The following ZSWIM9 variants were observed in gnomAD, a reference collection of about 807,000 sequenced individuals.
The protein encoded by ZSWIM9 is zinc finger SWIM-type containing 9, also known as uncharacterized protein ZSWIM9.
A neutral mutation model predicts 25.0 loss-of-function variants in ZSWIM9; 11 were observed. The observed-to-expected ratio is 0.44, with a 90% CI of 0.28 to 0.73. ZSWIM9 has a LOEUF of 0.73. ZSWIM9 is among the 30% of genes least tolerant of loss of function. The probability of loss-of-function intolerance (pLI) is 0.16; values close to 1 mark genes in which losing one functional copy is unlikely to be tolerated. For missense variants in ZSWIM9, 1,070 were observed against 1,296.5 expected, an observed-to-expected ratio of 0.83 and a Z score of 2.68; for synonymous variants, 562 against 582.1, an observed-to-expected ratio of 0.97 and a Z score of 0.50.
Position 48,196,738 on chromosome 19 carries a change from C to CA in ZSWIM9, c.2675dup (p.His892GlnfsTer53). 8.1e-7 allele frequency: 1 copy of CA among 1,233,352 alleles called. No individual in the cohort carries two copies. The highest frequency in any genetic ancestry group is 1.0e-6 in the Non-Finnish European group (1 of 988,824). The allele number at this position is 1,233,352 out of a possible 1,614,324, so 76.4% of individuals were successfully genotyped here. A position where few individuals can be genotyped will look rare whatever the true frequency, so the allele number is the denominator to read the frequency against. The stretch of plus-strand genomic sequence containing the variant: ...CGCCGCCCGCCGTCTGCCCTGCAGA[C>CA]ACCTCTTTGCAGCGCGCCTCCTCAC... On this transcript the variant is annotated frameshift_variant, in exon 4 of 4. Transcript: ENST00000614654. LOFTEE classifies it high-confidence loss of function.
intron 3 of ZSWIM9, among the ~76,000 whole-genome samples, chr19:48,189,834 T>C (rs143342711): frequency 0.011 from 1,668 of 152,272 alleles, 30 homozygotes; most frequent in African/African-American, 0.038. Context: ...AGACCTTTTA[T>C]GTATCGCTTT....
At position 48,194,859 on chromosome 19, in the gene ZSWIM9, G is replaced by T; in HGVS notation, c.795G>T (p.Pro265=). The T allele has an allele frequency of 7.3e-7, 1 of 1,361,188 alleles. No homozygotes were observed. Among genetic ancestry groups the T allele is most frequent in the South Asian group, 1.7e-5 (1 of 60,578 alleles). 84.3% of individuals were successfully genotyped at this position (1,361,188 alleles called of 1,614,324 possible). A position where few individuals can be genotyped will look rare whatever the true frequency, so the allele number is the denominator to read the frequency against. The stretch of plus-strand genomic sequence containing the variant: ...AGGCTGCCTGCTGCGTGGCGCGCCC[G>T]GGCACACCGAGCCTGCTGCGCTTCG... ...ARQAACCVAR[P]GTPSLLRFAL... is the part of the protein sequence containing the mutation. Residue 265 remains proline, a synonymous_variant, in exon 4 of 4, where the codon CCG becomes CCT. Coordinates refer to ENST00000614654, the MANE Select transcript of ZSWIM9 (RefSeq NM_199341.4). This position sits in a 1 kb window ranked among gnomAD's most constrained non-coding sequence, Gnocchi z 6.0.
rs184157862 is a variant in ZSWIM9 at position 48,191,351 on chromosome 19, C to T, written c.589-3302C>T. On this transcript the variant is annotated intron_variant, in intron 3 of 3. Transcript: ENST00000614654. ...TCCCAAGTAGCTGAGATTACAGGCG[C>T]GCACCACCACGCCCAGCTAATTTTT... Among the ~76,000 whole-genome samples the T allele has an allele frequency of 1.1e-4, 16 of 152,064 alleles. No individual in the cohort carries two copies. The East Asian group carries it at 1.4e-3, about 13-fold the overall frequency.
chr19:48,192,506 C>T (rs139945273), intron 3 of ZSWIM9, among the ~76,000 whole-genome samples: 12,776 of 58,408 alleles, frequency 0.22, 1,984 homozygotes, highest in Middle Eastern at 0.31. Flanking sequence ...TATACACACA[C>T]ACACACACAC....
rs1248646177 is a variant in ZSWIM9, at chr19:48,182,591, G to A, written c.412G>A (p.Gly138Ser). Residue 138 changes from glycine (G) to serine (S), a missense_variant, in exon 3 of 4, where the codon GGC becomes AGC. Physicochemically the swap from Gly to Ser is moderately conservative, Grantham distance 56. Transcript: ENST00000614654. This position sits in a 1 kb window ranked among gnomAD's most constrained non-coding sequence, Gnocchi z 4.6. ...GGAGTTCGCCTACTACTTCCGCCCG[G>A]GCCACCTGCTGGCCAACGCCTGCCT... ...PLEFAYYFRPGHLLANACLPV... is the reference protein window; with the variant it reads ...PLEFAYYFRPSHLLANACLPV... 1.3e-6 allele frequency: 2 copies of A among 1,535,822 alleles called. No homozygotes were observed. Among genetic ancestry groups the A allele is most frequent in the Non-Finnish European group, 1.7e-6 (2 of 1,146,742 alleles).
intron 2 of ZSWIM9, among the ~76,000 whole-genome samples, chr19:48,178,097 T>C (rs1343008488): frequency 2.6e-5 from 4 of 152,100 alleles, no homozygotes; most frequent in Non-Finnish European, 4.4e-5. Context: ...GGGGTTTGCC[T>C]ATGTTGGCCA....
rs2036968245 is a variant in ZSWIM9 at position 48,182,927 on chromosome 19, T to A, written c.588+160T>A. 1.5e-6 allele frequency: 1 copy of A among 646,844 alleles called. No homozygotes were observed. Among genetic ancestry groups the A allele is most frequent in the African/African-American group, 1.8e-5 (1 of 54,686 alleles). 40.1% of individuals were successfully genotyped at this position (646,844 alleles called of 1,614,324 possible). ...TAAGTACTTACCGAGGCATTGGGGA[T>A]GCAGCAGCAAACCAGACCCACGTGG... On this transcript the variant is annotated intron_variant, in intron 3 of 3. Transcript: ENST00000614654. This position sits in a 1 kb window ranked among gnomAD's most constrained non-coding sequence, Gnocchi z 4.6.
chr19:48,194,598 G>A lies in ZSWIM9; in HGVS notation c.589-55G>A. On this transcript the variant is annotated intron_variant, in intron 3 of 3. Transcript: ENST00000614654. The surrounding 1 kb of genome is among the most constrained non-coding windows in gnomAD (Gnocchi z 6.0). ...GAAACCGAGGTCGGGGAGCTGGGCG[G>A]GGAGACCCCAGCATCCTCTGACCTC... is the stretch of plus-strand genomic sequence containing the variant. 2 of 1,354,806 alleles carry A rather than the reference G, an allele frequency of 1.5e-6. No individual in the cohort carries two copies. The highest frequency in any genetic ancestry group is 1.9e-6 in the Non-Finnish European group (2 of 1,051,944). 83.9% of individuals were successfully genotyped at this position (1,354,806 alleles called of 1,614,324 possible).
At chr19:48,187,838 G>T (rs1169489201) in intron 3 of ZSWIM9, 1 of 150,208 alleles carries the variant, frequency 6.7e-6, no homozygotes, top group Non-Finnish European at 1.5e-5. Flanking sequence ...CTACTCAAGA[G>T]GCTGAGGCAC....
chr19:48,171,720 C>A, intron 1 of ZSWIM9, 74 bp from the exon 2 acceptor site: 3 of 1,400,186 alleles, frequency 2.1e-6, no homozygotes, highest in Non-Finnish European at 2.8e-6. Flanking sequence ...CGGGGCAGGC[C>A]AAGAATGGAG....
intron 3 of ZSWIM9, among the ~76,000 whole-genome samples, chr19:48,183,460 C>A (rs2036976919): frequency 6.6e-6 from 1 of 151,734 alleles, no homozygotes. Flanking sequence ...ATTTAAATAG[C>A]CACCTATGGC....
chr19:48,185,088 G>C (rs947988961), intron 3 of ZSWIM9, among the ~76,000 whole-genome samples: 1 of 151,828 alleles, frequency 6.6e-6, no homozygotes, highest in Admixed American at 6.6e-5. Flanking sequence ...TTGGAATCTC[G>C]GCTAAACCAC....
chr19:48,171,718 G>T (rs758474921), intron 1 of ZSWIM9, 76 bp from the exon 2 acceptor site: 85 of 1,391,944 alleles, frequency 6.1e-5, no homozygotes, highest in Non-Finnish European at 8.0e-5. Context: ...GACGGGGCAG[G>T]CCAAGAATGG....
intron 3 of ZSWIM9, among the ~76,000 whole-genome samples, chr19:48,192,487 A>ATATATATATATG (rs2037107639): frequency 1.2e-4 from 5 of 40,104 alleles, no homozygotes; most frequent in African/African-American, 3.4e-4. Flanking sequence ...AAAAATATAT[A>ATATATATATATG]TATATATATA....
At chr19:48,178,730 C>T (rs183902) in intron 2 of ZSWIM9, among the ~76,000 whole-genome samples, 3 of 151,998 alleles carry the variant, frequency 2.0e-5, no homozygotes, top group South Asian at 2.1e-4. Flanking sequence ...CGTGTGCCAC[C>T]GCACCTGGCT....
chr19:48,180,366 C>T (rs2036935647), intron 2 of ZSWIM9, among the ~76,000 whole-genome samples: 1 of 148,830 alleles, frequency 6.7e-6, no homozygotes. Flanking sequence ...TCACTAGTCT[C>T]ACTATGTTGC....
At chr19:48,186,869 G>A (rs571558971) in intron 3 of ZSWIM9, 1 of 152,674 alleles carries the variant, frequency 6.5e-6, no homozygotes, top group East Asian at 1.9e-4. Flanking sequence ...AGATGGGCCA[G>A]ATGTCCCCAA....
chr19:48,196,030 A>G lies in ZSWIM9; in HGVS notation c.1966A>G (p.Arg656Gly). Residue 656 changes from arginine (R) to glycine (G), a missense_variant, in exon 4 of 4, where the codon AGG becomes GGG. Around this residue, in one of 4 missense-constraint regions of ZSWIM9, gnomAD observed 583 missense variants for 624.7 expected, o/e 0.93. Transcript: ENST00000614654. ...GCCACAGTCAGAAGTAGAGAAGGGG[A>G]GGGGGCTGGAGGTCAGAAACTTGAG... The part of the protein sequence containing the change: ...KGPQSEVEKG[R>G]GLEVRNLRGI... 4.7e-6 allele frequency: 6 copies of G among 1,263,948 alleles called. No individual in the cohort carries two copies. The highest frequency in any genetic ancestry group is 6.0e-6 in the Non-Finnish European group (6 of 1,006,666). 78.3% of individuals were successfully genotyped at this position (1,263,948 alleles called of 1,614,324 possible).
rs1348076220 is a variant in ZSWIM9, at chr19:48,196,104, C to T, written c.2040C>T (p.Asp680=). 36 of 1,242,342 alleles carry T rather than the reference C, an allele frequency of 2.9e-5. No individual in the cohort carries two copies. The highest frequency in any genetic ancestry group is 4.2e-5 in the Admixed American group (1 of 23,932). The allele number at this position is 1,242,342 out of a possible 1,614,324, so 77.0% of individuals were successfully genotyped here. A position where few individuals can be genotyped will look rare whatever the true frequency, so the allele number is the denominator to read the frequency against. The change falls in exon 4 of 4, where the codon GAC becomes GAT. Residue 680 remains aspartate (D), a synonymous_variant. Coordinates refer to ENST00000614654, the MANE Select transcript of ZSWIM9 (RefSeq NM_199341.4). ...KSLELAPENG[D]QRGPQWEDER... ...TGGAGTTGGCCCCTGAGAACGGAGA[C>T]CAAAGGGGACCCCAGTGGGAAGATG...
Sources: gnomAD v4.1 joint callset for allele counts (sites outside exome capture counted in the v4.1 genomes callset) on GRCh38, gnomAD v4.1.1 for gene constraint, gnomAD v4.1.1 regional missense constraint, Gnocchi (gnomAD v3.1) non-coding constraint, MANE v1.5 for transcripts, NCBI Gene and HGNC (gene_info 2026-07-23, HGNC 2026-07-21) for gene names.